Variants in EXT2 observed in about 807,000 individuals in gnomAD.
The protein encoded by EXT2 is exostosin glycosyltransferase 2.
A neutral mutation model predicts 81.6 loss-of-function variants in EXT2; 53 were observed. The ratio of observed to expected loss-of-function variants is 0.65; its 90% CI spans 0.52 to 0.82. EXT2 has a LOEUF of 0.82. Among genes scored for constraint, EXT2 ranks in the 40% least tolerant of loss-of-function variants. EXT2 has a pLI of 0.00. For synonymous variants in EXT2, 320 were observed against 340.0 expected (o/e 0.94, Z 0.65); for missense variants, 774 against 910.2 (o/e 0.85, Z 1.93).
intron 1 of EXT2, among the ~76,000 whole-genome samples, chr11:44,105,608 G>C (rs535174718): frequency 6.6e-6 from 1 of 152,280 alleles, no homozygotes; most frequent in African/African-American, 2.4e-5. Flanking sequence ...TTGTGGATTG[G>C]TATTTTGACA....
At chr11:44,176,910 C>G (rs1296896248) in intron 8 of EXT2, among the ~76,000 whole-genome samples, 1 of 134,868 alleles carries the variant, frequency 7.4e-6, no homozygotes, top group African/African-American at 2.9e-5. Flanking sequence ...ATGCAGCTGC[C>G]TTAGTTTAAT....
intron 7 of EXT2, chr11:44,144,175 A>C: frequency 2.2e-6 from 3 of 1,336,654 alleles, no homozygotes; most frequent in Middle Eastern, 1.8e-4. Context: ...TAGCTAGTTG[A>C]CCCAAGTTGT....
intron 7 of EXT2, among the ~76,000 whole-genome samples, chr11:44,157,613 C>T (rs2135097534): frequency 6.6e-6 from 1 of 152,302 alleles, no homozygotes; most frequent in Non-Finnish European, 1.5e-5. Flanking sequence ...CTGGGTCGCT[C>T]CCTTCGGGGC....
intron 7 of EXT2, among the ~76,000 whole-genome samples, chr11:44,143,828 T>C (rs1413374322): frequency 6.6e-6 from 1 of 152,188 alleles, no homozygotes; most frequent in African/African-American, 2.4e-5. Context: ...TTAGTATTCA[T>C]GGCCAAAAGG....
chr11:44,130,433 G>A (rs572092427), intron 7 of EXT2, among the ~76,000 whole-genome samples: 1 of 152,182 alleles, frequency 6.6e-6, no homozygotes, highest in Non-Finnish European at 1.5e-5. Flanking sequence ...GGTGATAGTC[G>A]TAGTGACTAA....
intron 8 of EXT2, among the ~76,000 whole-genome samples, chr11:44,181,096 G>A (rs948698156): frequency 7.1e-6 from 1 of 140,934 alleles, no homozygotes; most frequent in Admixed American, 7.8e-5. Context: ...GTAAGACTCC[G>A]TCTCAAAAAA....
intron 8 of EXT2, among the ~76,000 whole-genome samples, chr11:44,173,636 C>T (rs1955111039): frequency 6.9e-6 from 1 of 145,764 alleles, no homozygotes; most frequent in Non-Finnish European, 1.5e-5. Flanking sequence ...TAGCGCAATG[C>T]CGGCTCACTG....
At chr11:44,218,446 A>C (rs749896749) in intron 10 of EXT2, among the ~76,000 whole-genome samples, 11 of 152,188 alleles carry the variant, frequency 7.2e-5, no homozygotes, top group Non-Finnish European at 1.3e-4. Flanking sequence ...TGAGAGGTCA[A>C]CTGAAAAGTT....
intron 8 of EXT2, among the ~76,000 whole-genome samples, chr11:44,173,753 G>A (rs1955113164): frequency 6.6e-6 from 1 of 151,458 alleles, no homozygotes; most frequent in Non-Finnish European, 1.5e-5. Context: ...TGTTTTTAGT[G>A]GAGACGGGGT....
At chr11:44,196,591 C>T (rs547283009) in intron 8 of EXT2, among the ~76,000 whole-genome samples, 10 of 152,148 alleles carry the variant, frequency 6.6e-5, no homozygotes, top group South Asian at 2.1e-4. Flanking sequence ...TTTTTTCCCC[C>T]GACTGACAGG....
chr11:44,203,858 G>A (rs562631513), intron 9 of EXT2, among the ~76,000 whole-genome samples: 72 of 152,190 alleles, frequency 4.7e-4, no homozygotes, highest in Non-Finnish European at 8.2e-4. Context: ...ACAGTGTGAC[G>A]CCATGCCAGT....
chr11:44,096,099 G>A (rs1471262517), intron 1 of EXT2: 1 of 742,144 alleles, frequency 1.3e-6, no homozygotes, highest in Non-Finnish European at 2.4e-6. Flanking sequence ...CGCGCTTTCA[G>A]CATCTTGGTA....
At chr11:44,225,161 C>T (rs1430182966) in intron 10 of EXT2, among the ~76,000 whole-genome samples, 2 of 152,176 alleles carry the variant, frequency 1.3e-5, no homozygotes, top group East Asian at 3.8e-4. Context: ...CCCATCCCCT[C>T]AAACTCTCAT....
intron 11 of EXT2, 131 bp from the exon 12 acceptor site, chr11:44,233,984 T>G: frequency 7.7e-7 from 1 of 1,297,292 alleles, no homozygotes; most frequent in Non-Finnish European, 1.1e-6. Context: ...TTACCCTTCC[T>G]ATTAATACAG....
intron 4 of EXT2, among the ~76,000 whole-genome samples, chr11:44,119,149 T>TATATATATATATATTC (rs1954273086): frequency 1.9e-5 from 1 of 53,014 alleles, no homozygotes; most frequent in Non-Finnish European, 4.1e-5. Flanking sequence ...TATATATATA[T>TATATATATATATATTC]ATATATATAT....
intron 1 of EXT2, among the ~76,000 whole-genome samples, chr11:44,102,020 CTA>C (rs888644177): frequency 1.3e-5 from 2 of 151,464 alleles, no homozygotes; most frequent in Non-Finnish European, 2.9e-5. Context: ...AGAAAAATCA[CTA>C]TCTCTCCCCT....
intron 8 of EXT2, among the ~76,000 whole-genome samples, chr11:44,173,759 G>A (rs1358100899): frequency 2.6e-5 from 4 of 151,562 alleles, no homozygotes; most frequent in African/African-American, 4.8e-5. Context: ...TAGTGGAGAC[G>A]GGGTTTCACT....
chr11:44,167,054 A>G (rs1252668938), intron 7 of EXT2, among the ~76,000 whole-genome samples: 1 of 152,216 alleles, frequency 6.6e-6, no homozygotes, highest in Non-Finnish European at 1.5e-5. Flanking sequence ...ATTGAGCTAC[A>G]TAGTCACTCT....
At chr11:44,169,904 G>A (rs12274272) in intron 7 of EXT2, among the ~76,000 whole-genome samples, 3,189 of 151,998 alleles carry the variant, frequency 0.021, 74 homozygotes, top group African/African-American at 0.058. Flanking sequence ...AATTTGAAAT[G>A]TATATTTATA....
Sources: allele counts gnomAD v4.1 joint callset (sites outside exome capture counted in the v4.1 genomes callset), GRCh38; gene constraint gnomAD v4.1.1; transcripts MANE v1.5; gene names NCBI Gene and HGNC (gene_info 2026-07-23, HGNC 2026-07-21).